Variants in MGAM2 observed in about 807,000 individuals in gnomAD.
The protein encoded by MGAM2 is probable maltase-glucoamylase 2.
A neutral mutation model predicts 96.1 loss-of-function variants in MGAM2; 98 were observed. The ratio of observed to expected loss-of-function variants is 1.02; its 90% CI spans 0.87 to 1.21. The LOEUF (loss-of-function observed/expected upper bound fraction) is 1.21. Among genes scored for constraint, MGAM2 ranks in the 50% most tolerant of loss-of-function variants. The probability of loss-of-function intolerance (pLI) is 0.00; values close to 1 mark genes in which losing one functional copy is unlikely to be tolerated. For missense variants in MGAM2, 2,055 were observed against 1,182.4 expected, an observed-to-expected ratio of 1.74 and a Z score of -10.82; for synonymous variants, 749 against 414.8, an observed-to-expected ratio of 1.81 and a Z score of -9.79.
chr7:142,204,436 T>C (rs1246221768), intron 45 of MGAM2, among the ~76,000 whole-genome samples: 1 of 152,040 alleles, frequency 6.6e-6, no homozygotes, highest in East Asian at 1.9e-4. Context: ...TCTTTGGACT[T>C]GCTTTTTAAC....
At chr7:142,124,442 T>A (rs189811090) in intron 3 of MGAM2, among the ~76,000 whole-genome samples, 62 of 152,326 alleles carry the variant, frequency 4.1e-4, no homozygotes, top group African/African-American at 1.3e-3. Context: ...CTTTTGCCAA[T>A]ACCATACAGC....
rs1404914267 is a variant in MGAM2, at chr7:142,157,997, C to G, written c.1984C>G (p.Leu662Val). 2.8e-6 allele frequency: 2 copies of G among 703,016 alleles called. No homozygotes were observed. Among genetic ancestry groups the G allele is most frequent in the Non-Finnish European group, 5.2e-6 (2 of 384,996 alleles). The allele number at this position is 703,016 out of a possible 1,614,324, so 43.5% of individuals were successfully genotyped here. The change falls in exon 18 of 48, where the codon CTG (leucine) becomes GTG (valine). Residue 662 changes from leucine to valine, a missense_variant. Coordinates refer to ENST00000477922, the MANE Select transcript of MGAM2 (RefSeq NM_001293626.2). ...GCTGCTGAAATCCTCCAGACATTAT[C>G]TGAACATCCGCTACACCTTGCTGCC... ...SLLLKSSRHY[L>V]NIRYTLLPYL...
chr7:142,199,387 A>T (rs1281187194), intron 44 of MGAM2, among the ~76,000 whole-genome samples: 1 of 152,186 alleles, frequency 6.6e-6, no homozygotes, highest in Non-Finnish European at 1.5e-5. Context: ...GGAAAGAGAG[A>T]TCCTGGTCGA....
rs143826966 is a variant in MGAM2 at position 142,114,224 on chromosome 7, A to G, written c.-1+2417A>G. 6.1e-3 allele frequency among the ~76,000 whole-genome samples: 830 copies of G among 136,782 alleles called. 17 individuals are homozygous for G. Among genetic ancestry groups the G allele is most frequent in the Non-Finnish European group, 9.2e-3 (578 of 62,758 alleles). 89.7% of individuals were successfully genotyped at this position (136,782 alleles called of 152,430 possible). A position where few individuals can be genotyped will look rare whatever the true frequency, so the allele number is the denominator to read the frequency against. On this transcript the variant is annotated intron_variant, in intron 1 of 47. Coordinates refer to ENST00000477922, the MANE Select transcript of MGAM2 (RefSeq NM_001293626.2). Reference sequence around the variant, plus strand: ...AAAGAAAGAAAGAAAGAGAGAAAGAAAGAAAGAAATAGGAGACTACAAAGA... The same window carrying G: ...AAAGAAAGAAAGAAAGAGAGAAAGAGAGAAAGAAATAGGAGACTACAAAGA...
intron 7 of MGAM2, among the ~76,000 whole-genome samples, chr7:142,135,443 T>G (rs1334094034): frequency 2.0e-5 from 3 of 152,210 alleles, no homozygotes; most frequent in African/African-American, 4.8e-5. Context: ...CCCCTGTTTT[T>G]TTCTTTCTTT....
At chr7:142,174,424 T>C (rs1563276139) in intron 31 of MGAM2, among the ~76,000 whole-genome samples, 1 of 152,116 alleles carries the variant, frequency 6.6e-6, no homozygotes, top group South Asian at 2.1e-4. Context: ...GGTATTTTAT[T>C]TGTGGCAATT....
chr7:142,198,131 T>C lies in MGAM2; in HGVS notation c.4867-8T>C, dbSNP rs1797108040. The C allele has an allele frequency of 2.8e-6, 2 of 702,052 alleles. No homozygotes were observed. Among genetic ancestry groups the C allele is most frequent in the East Asian group, 5.4e-5 (2 of 37,256 alleles). 43.5% of individuals were successfully genotyped at this position (702,052 alleles called of 1,614,324 possible). On this transcript the variant is annotated splice_region_variant and splice_polypyrimidine_tract_variant and intron_variant, in intron 42 of 47. Transcript: ENST00000477922. ...TATTCATAATGACATGTCAATTTTATGTTTCAGAGCACATTTGAGATCTCT... is the reference window on the plus strand; with the variant it reads ...TATTCATAATGACATGTCAATTTTACGTTTCAGAGCACATTTGAGATCTCT...
At chr7:142,116,085 G>A (rs1315021628) in intron 1 of MGAM2, among the ~76,000 whole-genome samples, 1 of 152,120 alleles carries the variant, frequency 6.6e-6, no homozygotes, top group Non-Finnish European at 1.5e-5. Context: ...AATTAGAGCA[G>A]AAAAATGAGA....
chr7:142,197,464 G>A lies in MGAM2; in HGVS notation c.4697G>A (p.Arg1566Lys), dbSNP rs1408540085. 1 of 702,862 alleles carries A rather than the reference G, an allele frequency of 1.4e-6. No individual in the cohort carries two copies. Among genetic ancestry groups the A allele is most frequent in the Non-Finnish European group, 2.6e-6 (1 of 385,012 alleles). The allele number at this position is 702,862 out of a possible 1,614,324, so 43.5% of individuals were successfully genotyped here. A position where few individuals can be genotyped will look rare whatever the true frequency, so the allele number is the denominator to read the frequency against. ...TTGTCCAGAAAAGTCCTAGAGACCA[G>A]ATATACCCTGCTTCCTTATCTCTAT... Reference protein sequence around the residue: ...EMLSRKVLETRYTLLPYLYTL... With the variant: ...EMLSRKVLETKYTLLPYLYTL... Residue 1566 changes from arginine (R) to lysine (K), a missense_variant, in exon 41 of 48, where the codon AGA (arginine) becomes AAA (lysine). Transcript: ENST00000477922.
intron 45 of MGAM2, among the ~76,000 whole-genome samples, chr7:142,200,817 A>C (rs1797199771): frequency 6.6e-6 from 1 of 152,154 alleles, no homozygotes; most frequent in Admixed American, 6.5e-5. Flanking sequence ...AAAAAATACA[A>C]GCACTTTTAA....
At chr7:142,132,325 A>T (rs1794913161) in intron 6 of MGAM2, among the ~76,000 whole-genome samples, 1 of 146,228 alleles carries the variant, frequency 6.8e-6, no homozygotes, top group Non-Finnish European at 1.5e-5. Context: ...TAATTATATA[A>T]TACATAATTA....
chr7:142,112,034 G>A (rs1817189702), intron 1 of MGAM2, among the ~76,000 whole-genome samples: 1 of 148,148 alleles, frequency 6.8e-6, no homozygotes, highest in Non-Finnish European at 1.5e-5. Flanking sequence ...GTGTGTGTGT[G>A]TGTGTGTGTG....
intron 25 of MGAM2, among the ~76,000 whole-genome samples, chr7:142,166,834 A>G (rs538638919): frequency 2.0e-5 from 3 of 152,354 alleles, no homozygotes; most frequent in East Asian, 3.9e-4. Flanking sequence ...ATAGAATGAC[A>G]GGAATTTATT....
chr7:142,172,171 T>C lies in MGAM2; in HGVS notation c.3425T>C (p.Leu1142Pro), dbSNP rs944692821. Residue 1142 changes from leucine (L) to proline (P), a missense_variant, in exon 29 of 48, where the codon CTC becomes CCC. Leu to Pro is a moderately conservative substitution (Grantham distance 98). Coordinates refer to ENST00000477922, the MANE Select transcript of MGAM2 (RefSeq NM_001293626.2). ...LEEDGSAHGV[L>P]LLNSNAMDVT... ...GAGGATGGTAGTGCCCATGGAGTGC[T>C]CCTGCTAAATAGCAATGCCATGGGT... 1 of 719,894 alleles carries C rather than the reference T, an allele frequency of 1.4e-6. No individual in the cohort carries two copies. Among genetic ancestry groups the C allele is most frequent in the Non-Finnish European group, 2.5e-6 (1 of 392,658 alleles). 44.6% of individuals were successfully genotyped at this position (719,894 alleles called of 1,614,324 possible). A position where few individuals can be genotyped will look rare whatever the true frequency, so the allele number is the denominator to read the frequency against.
chr7:142,157,682 G>T (rs1164749138), intron 17 of MGAM2, among the ~76,000 whole-genome samples: 1 of 152,096 alleles, frequency 6.6e-6, no homozygotes, highest in South Asian at 2.1e-4. Flanking sequence ...GAGCCATTGC[G>T]CCTGGCCGAT....
At chr7:142,172,010 A>C (rs999181143) in intron 28 of MGAM2, 88 bp from the exon 29 acceptor site, 40 of 534,324 alleles carry the variant, frequency 7.5e-5, no homozygotes, top group Non-Finnish European at 1.3e-4. Flanking sequence ...CTGAATCTTT[A>C]ATGATGAGTA....
In MGAM2 at chr7:142,132,330, T is replaced by A. The variant is rs1391954999; in HGVS notation, c.575+245T>A. On this transcript the variant is annotated intron_variant, in intron 6 of 47. Transcript: ENST00000477922. ...TAATTTTATATAATTATATAATACA[T>A]AATTATATGTAATTTAATATAATTT... 4.1e-5 allele frequency among the ~76,000 whole-genome samples: 6 copies of A among 145,838 alleles called. No individual in the cohort carries two copies. In the East Asian group the frequency reaches 9.8e-4, roughly 24 times the overall value.
intron 9 of MGAM2, among the ~76,000 whole-genome samples, chr7:142,138,151 C>A (rs1460971503): frequency 1.3e-5 from 2 of 152,326 alleles, no homozygotes; most frequent in African/African-American, 2.4e-5. Context: ...ACACCACTAT[C>A]TGAAATTATA....
chr7:142,220,458 C>G lies in MGAM2; in HGVS notation c.5947C>G (p.Pro1983Ala), dbSNP rs1797889917. 1.4e-6 allele frequency: 1 copy of G among 702,252 alleles called. No individual in the cohort carries two copies. The highest frequency in any genetic ancestry group is 2.6e-6 in the Non-Finnish European group (1 of 384,844). 43.5% of individuals were successfully genotyped at this position (702,252 alleles called of 1,614,324 possible). A position where few individuals can be genotyped will look rare whatever the true frequency, so the allele number is the denominator to read the frequency against. ...TGCTACTATTCCTATCACAACCACA[C>G]CTTTTGCAACAAGTACTATTAGTGT... Reference protein sequence around the residue: ...TNATIPITTTPFATSTISVTT... With the variant: ...TNATIPITTTAFATSTISVTT... Residue 1983 changes from proline to alanine, a missense_variant, in exon 48 of 48, where the codon CCT (proline) becomes GCT (alanine). Transcript: ENST00000477922.
Sources: allele counts gnomAD v4.1 joint callset (sites outside exome capture counted in the v4.1 genomes callset), GRCh38; gene constraint gnomAD v4.1.1; transcripts MANE v1.5; gene names NCBI Gene and HGNC (gene_info 2026-07-23, HGNC 2026-07-21).